ATP6V1E2: variants seen among roughly 807,000 people sequenced by gnomAD.
The protein encoded by ATP6V1E2 is V-type proton ATPase subunit E 2.
For synonymous variants in ATP6V1E2, 121 were observed against 104.2 expected, an observed-to-expected ratio of 1.16 and a Z score of -0.98; for missense variants, 308 against 273.3, an observed-to-expected ratio of 1.13 and a Z score of -0.90.
At chr2:46,537,514 C>A (rs1298525077) in intron 2 of ATP6V1E2, 1 of 151,612 alleles carries the variant, frequency 6.6e-6, no homozygotes, top group Non-Finnish European at 1.5e-5. Flanking sequence ...TTGGTGCAAC[C>A]ATTTTGCTTC....
chr2:46,514,792 T>G (rs1447255815), intron 4 of ATP6V1E2, among the ~76,000 whole-genome samples: 3 of 152,102 alleles, frequency 2.0e-5, no homozygotes, highest in Non-Finnish European at 4.4e-5. Flanking sequence ...TCTATCCAGA[T>G]TCAAGAAGTC....
chr2:46,531,602 C>T (rs559916110), intron 4 of ATP6V1E2, among the ~76,000 whole-genome samples: 57 of 152,298 alleles, frequency 3.7e-4, no homozygotes, highest in Admixed American at 5.9e-4. Flanking sequence ...CAAAGACCTT[C>T]GAACTGTTTT....
At position 46,512,725 on chromosome 2, in the gene ATP6V1E2, G is replaced by T. The variant is rs558643489; in HGVS notation, c.-14C>A. On this transcript the variant is annotated 5_prime_UTR_variant, in exon 5 of 5. Transcript: ENST00000522587. ...ACTCAGGGCCATGGCTGCTCTCAGA[G>T]GGGACGGCAGAGAGGGAGCTCGTAC... 6.3e-7 allele frequency: 1 copy of T among 1,597,668 alleles called. No individual in the cohort carries two copies. Among genetic ancestry groups the T allele is most frequent in the East Asian group, 2.2e-5 (1 of 44,738 alleles).
rs1230887596 is a variant in ATP6V1E2, at chr2:46,536,636, C to G, written c.-242G>C. 1.3e-5 allele frequency: 2 copies of G among 152,232 alleles called. No individual in the cohort carries two copies. Among genetic ancestry groups the G allele is most frequent in the Non-Finnish European group, 2.9e-5 (2 of 68,060 alleles). The allele number at this position is 152,232 out of a possible 1,614,324, so 9.4% of individuals were successfully genotyped here. A position where few individuals can be genotyped will look rare whatever the true frequency, so the allele number is the denominator to read the frequency against. On this transcript the variant is annotated 5_prime_UTR_variant, in exon 3 of 5. Transcript: ENST00000522587. ...CAGTGACTTCTAAGAAGATGGTTCACAGAGGGAGAAGAATACAGGCCAAAA... is the reference window on the plus strand; with the variant it reads ...CAGTGACTTCTAAGAAGATGGTTCAGAGAGGGAGAAGAATACAGGCCAAAA...
chr2:46,529,747 T>C (rs541274711), intron 4 of ATP6V1E2, among the ~76,000 whole-genome samples: 4 of 151,260 alleles, frequency 2.6e-5, no homozygotes, highest in African/African-American at 9.7e-5. Flanking sequence ...CAGAGTGACA[T>C]CTGTCTTTAA....
chr2:46,521,115 T>A (rs560777999), intron 4 of ATP6V1E2, among the ~76,000 whole-genome samples: 1 of 152,216 alleles, frequency 6.6e-6, no homozygotes, highest in Non-Finnish European at 1.5e-5. Context: ...TCTCACCATT[T>A]TGCTGAGGCC....
chr2:46,514,008 G>A (rs1264912327), intron 4 of ATP6V1E2, among the ~76,000 whole-genome samples: 1 of 151,698 alleles, frequency 6.6e-6, no homozygotes, highest in Non-Finnish European at 1.5e-5. Flanking sequence ...CTTTTAGTGT[G>A]GTGACTCATG....
intron 4 of ATP6V1E2, among the ~76,000 whole-genome samples, chr2:46,527,158 A>G (rs1229027705): frequency 7.2e-5 from 11 of 152,058 alleles, no homozygotes; most frequent in Admixed American, 5.2e-4. Flanking sequence ...GGCTCAAGCA[A>G]TCTTCCCACT....
At chr2:46,522,154 A>G (rs1450054248) in intron 4 of ATP6V1E2, among the ~76,000 whole-genome samples, 1 of 151,424 alleles carries the variant, frequency 6.6e-6, no homozygotes, top group Non-Finnish European at 1.5e-5. Context: ...GCCAGGAATG[A>G]TGGTGTGCGC....
At chr2:46,526,042 CCT>C (rs888264583) in intron 4 of ATP6V1E2, among the ~76,000 whole-genome samples, 1 of 152,084 alleles carries the variant, frequency 6.6e-6, no homozygotes, top group Non-Finnish European at 1.5e-5. Context: ...AAAAGTGAAA[CCT>C]TTTTTGTTTT....
chr2:46,518,946 A>C (rs1015905784), intron 4 of ATP6V1E2: 2 of 152,200 alleles, frequency 1.3e-5, no homozygotes, highest in African/African-American at 2.4e-5. Flanking sequence ...AAGCCTTACC[A>C]GTCCCCTGCC....
intron 4 of ATP6V1E2, among the ~76,000 whole-genome samples, chr2:46,515,721 G>T (rs1225592765): frequency 1.3e-5 from 2 of 152,138 alleles, no homozygotes; most frequent in Non-Finnish European, 2.9e-5. Context: ...CCAATGAAAA[G>T]ATATAAAGTG....
intron 2 of ATP6V1E2, among the ~76,000 whole-genome samples, chr2:46,539,847 T>C (rs551995255): frequency 4.1e-4 from 62 of 152,332 alleles, no homozygotes; most frequent in African/African-American, 1.3e-3. Flanking sequence ...TCAACACACC[T>C]GGACCTATGT....
At chr2:46,538,924 G>A (rs1208600663) in intron 2 of ATP6V1E2, among the ~76,000 whole-genome samples, 1 of 152,024 alleles carries the variant, frequency 6.6e-6, no homozygotes, top group East Asian at 1.9e-4. Context: ...AGCTGAGACT[G>A]CACCACTGCA....
At chr2:46,524,445 AT>A (rs1666792010) in intron 4 of ATP6V1E2, among the ~76,000 whole-genome samples, 5 of 152,262 alleles carry the variant, frequency 3.3e-5, no homozygotes, top group Non-Finnish European at 7.3e-5. Flanking sequence ...GGTAGTATTT[AT>A]TAAGCAGAAT....
chr2:46,535,599 A>C lies in ATP6V1E2; in HGVS notation c.-102+214T>G, dbSNP rs1667405857. ...TCACTTCTGAACCAGGAACTCAATT[A>C]TACCACAACCAACACCACTGCCTGC... On this transcript the variant is annotated intron_variant, in intron 4 of 4. Transcript: ENST00000522587. The surrounding 1 kb of genome is among the most constrained non-coding windows in gnomAD (Gnocchi z 4.4). 6.6e-6 allele frequency: 1 copy of C among 152,252 alleles called. No homozygotes were observed. Among genetic ancestry groups the C allele is most frequent in the South Asian group, 2.1e-4 (1 of 4,834 alleles). 9.4% of individuals were successfully genotyped at this position (152,252 alleles called of 1,614,324 possible). A position where few individuals can be genotyped will look rare whatever the true frequency, so the allele number is the denominator to read the frequency against.
In ATP6V1E2 at chr2:46,531,695, T is replaced by A. The variant is rs77476804; in HGVS notation, c.-102+4118A>T. The stretch of plus-strand genomic sequence containing the variant: ...ACATCTTCACCAACACTTATTTTCC[T>A]TCCCCCACCCCTAATTATAGCCATC... On this transcript the variant is annotated intron_variant, in intron 4 of 4. Coordinates refer to ENST00000522587, the MANE Select transcript of ATP6V1E2 (RefSeq NM_001318063.2). 4.8e-3 allele frequency among the ~76,000 whole-genome samples: 736 copies of A among 152,324 alleles called. 5 individuals are homozygous for A. Among genetic ancestry groups the A allele is most frequent in the African/African-American group, 0.017 (689 of 41,576 alleles).
chr2:46,525,449 G>GAGACTCC (rs1666860982), intron 4 of ATP6V1E2, among the ~76,000 whole-genome samples: 1 of 124,622 alleles, frequency 8.0e-6, no homozygotes, highest in Non-Finnish European at 1.6e-5. Flanking sequence ...GCGACAGAAC[G>GAGACTCC]AGACTCCGTC....
intron 4 of ATP6V1E2, among the ~76,000 whole-genome samples, chr2:46,522,546 C>T (rs764216989): frequency 2.0e-5 from 3 of 152,186 alleles, no homozygotes; most frequent in Non-Finnish European, 2.9e-5. Flanking sequence ...CCAGCTTCAT[C>T]CATGCCCCTG....
Sources: allele counts gnomAD v4.1 joint callset (sites outside exome capture counted in the v4.1 genomes callset), GRCh38; gene constraint gnomAD v4.1.1; non-coding constraint Gnocchi (gnomAD v3.1); transcripts MANE v1.5; gene names NCBI Gene and HGNC (gene_info 2026-07-23, HGNC 2026-07-21).